The following PIP5K1B variants were observed in gnomAD, a reference collection of about 807,000 sequenced individuals.
PIP5K1B encodes phosphatidylinositol 4-phosphate 5-kinase type-1 beta.
PIP5K1B carries 42 observed loss-of-function variants against 67.0 expected under a neutral mutation model. The observed-to-expected ratio is 0.63, with a 90% CI of 0.49 to 0.81. PIP5K1B has a LOEUF of 0.81. Ranked by LOEUF, PIP5K1B falls within the 30% of genes least tolerant of loss-of-function variation. The pLI is 0.00. For synonymous variants in PIP5K1B, 214 were observed against 231.4 expected (o/e 0.92, Z 0.68); for missense variants, 459 against 646.3 (o/e 0.71, Z 3.14).
intron 14 of PIP5K1B, among the ~76,000 whole-genome samples, chr9:68,971,022 T>A (rs1829337562): frequency 6.6e-6 from 1 of 152,216 alleles, no homozygotes; most frequent in South Asian, 2.1e-4. Flanking sequence ...TTTATTATAC[T>A]TTAAGTTCTG....
intron 2 of PIP5K1B, among the ~76,000 whole-genome samples, chr9:68,791,267 A>G (rs1048987883): frequency 6.6e-6 from 1 of 152,218 alleles, no homozygotes; most frequent in Non-Finnish European, 1.5e-5. Context: ...TAATGTCGAG[A>G]TGCCAAGAGG....
chr9:68,992,637 C>A (rs949826944), intron 15 of PIP5K1B, among the ~76,000 whole-genome samples: 1 of 151,098 alleles, frequency 6.6e-6, no homozygotes, highest in Admixed American at 6.6e-5. Flanking sequence ...GTCAGGAGTT[C>A]GAGACCAGCC....
intron 14 of PIP5K1B, among the ~76,000 whole-genome samples, chr9:68,978,501 C>T (rs893760558): frequency 6.6e-6 from 1 of 152,160 alleles, no homozygotes; most frequent in South Asian, 2.1e-4. Context: ...ACCACATTTG[C>T]TTTAACCATT....
intron 3 of PIP5K1B, among the ~76,000 whole-genome samples, chr9:68,821,674 C>T (rs1833738358): frequency 6.6e-6 from 1 of 152,204 alleles, no homozygotes; most frequent in African/African-American, 2.4e-5. Flanking sequence ...GTAGTAAAAG[C>T]TTTAAATTTT....
At chr9:68,885,184 T>C (rs754079905) in intron 6 of PIP5K1B, among the ~76,000 whole-genome samples, 3 of 152,242 alleles carry the variant, frequency 2.0e-5, no homozygotes, top group East Asian at 3.8e-4. Flanking sequence ...GAGAACAATG[T>C]GCTAACTGAA....
chr9:68,942,009 G>C (rs968364332), intron 14 of PIP5K1B, among the ~76,000 whole-genome samples: 1 of 152,158 alleles, frequency 6.6e-6, no homozygotes, highest in Admixed American at 6.5e-5. Flanking sequence ...GCACTGTTCT[G>C]CTCTAAGGGC....
chr9:68,999,619 C>G lies in PIP5K1B; in HGVS notation c.1620+8362C>G, dbSNP rs1028311086. Among the ~76,000 whole-genome samples the G allele has an allele frequency of 2.0e-5, 3 of 152,158 alleles. No homozygotes were observed. In the South Asian group the frequency reaches 6.2e-4, roughly 32 times the overall value. ...AGCTGAGATCCCCTGAGCTTATTAA[C>G]AGGGTCCTTCAGCTCTGAGCATCCT... On this transcript the variant is annotated intron_variant, in intron 15 of 15. Coordinates refer to ENST00000265382, the MANE Select transcript of PIP5K1B (RefSeq NM_003558.4).
At chr9:68,942,461 A>G (rs1827608622) in intron 14 of PIP5K1B, among the ~76,000 whole-genome samples, 1 of 151,564 alleles carries the variant, frequency 6.6e-6, no homozygotes. Context: ...TTTTGGTAGC[A>G]GTGGTGGTGG....
At chr9:68,941,248 AC>A in intron 14 of PIP5K1B, 1 of 376,876 alleles carries the variant, frequency 2.7e-6, no homozygotes. Context: ...TGAATATGTT[AC>A]CTTATATGGC....
rs189364965 is a variant in PIP5K1B at position 68,909,473 on chromosome 9, A to C, written c.772-8075A>C. Among the ~76,000 whole-genome samples, 615 of 152,248 alleles carry C rather than the reference A, an allele frequency of 4.0e-3. 1 individual carries two copies. The highest frequency in any genetic ancestry group is 6.6e-3 in the Non-Finnish European group (447 of 68,010). On this transcript the variant is annotated intron_variant, in intron 8 of 15. Transcript: ENST00000265382. Reference sequence around the variant, plus strand: ...ATATTAATAATTCTTACTAATCATCAAATGTCAGTGTTCAAATTTCTAATT... The same window carrying C: ...ATATTAATAATTCTTACTAATCATCCAATGTCAGTGTTCAAATTTCTAATT...
intron 4 of PIP5K1B, among the ~76,000 whole-genome samples, chr9:68,833,200 TA>T (rs1341604513): frequency 4.6e-5 from 7 of 152,088 alleles, no homozygotes; most frequent in African/African-American, 1.7e-4. Flanking sequence ...ATGAAGAAAA[TA>T]AAGATAGGCA....
chr9:68,817,712 CTT>C (rs1156788129), intron 2 of PIP5K1B, among the ~76,000 whole-genome samples: 32 of 93,630 alleles, frequency 3.4e-4, no homozygotes, highest in Non-Finnish European at 4.2e-4. Context: ...AGACCTCATT[CTT>C]TTTTTTTTTT....
In PIP5K1B at chr9:68,894,410, T is replaced by C. The variant is rs1824973079; in HGVS notation, c.543T>C (p.Ile181=). The part of the protein sequence containing the change: ...YGLYCMQSGG[I]NIRIVVMNNV... ...TGTATTGTATGCAATCAGGAGGCAT[T>C]AATATCAGGATTGTGGTGATGAACA... is the stretch of plus-strand genomic sequence containing the variant. The change falls in exon 8 of 16, where the codon ATT becomes ATC. Residue 181 remains isoleucine (I), a synonymous_variant. Coordinates refer to ENST00000265382, the MANE Select transcript of PIP5K1B (RefSeq NM_003558.4). The C allele has an allele frequency of 1.2e-6, 2 of 1,613,774 alleles. No homozygotes were observed. The highest frequency in any genetic ancestry group is 1.7e-6 in the Non-Finnish European group (2 of 1,179,798).
chr9:68,919,346 G>A, intron 9 of PIP5K1B, 133 bp from the exon 10 acceptor site: 1 of 539,336 alleles, frequency 1.9e-6, no homozygotes, highest in Non-Finnish European at 3.3e-6. Context: ...AAAAAAAAAA[G>A]ATGAATGGGA....
chr9:68,987,990 A>G (rs1253246867), intron 14 of PIP5K1B, among the ~76,000 whole-genome samples: 8 of 152,246 alleles, frequency 5.3e-5, no homozygotes, highest in Non-Finnish European at 2.9e-5. Flanking sequence ...AGATCATGGT[A>G]TTATATCATT....
At chr9:68,769,327 A>C (rs960618696) in intron 2 of PIP5K1B, among the ~76,000 whole-genome samples, 1 of 152,208 alleles carries the variant, frequency 6.6e-6, no homozygotes. Context: ...ATTAAGTAGG[A>C]AAAATGGGAC....
intron 2 of PIP5K1B, chr9:68,789,323 G>A: frequency 2.5e-6 from 1 of 396,116 alleles, no homozygotes. Context: ...CCATTGCCAA[G>A]CGTCTCTTCT....
At chr9:68,855,939 C>A (rs1334498972) in intron 4 of PIP5K1B, among the ~76,000 whole-genome samples, 1 of 152,158 alleles carries the variant, frequency 6.6e-6, no homozygotes, top group Non-Finnish European at 1.5e-5. Context: ...TTACTACAAG[C>A]TCAGTGGCTT....
intron 8 of PIP5K1B, among the ~76,000 whole-genome samples, chr9:68,895,661 G>A (rs1462327287): frequency 6.6e-6 from 1 of 150,626 alleles, no homozygotes; most frequent in Non-Finnish European, 1.5e-5. Context: ...CTTTCTGCCT[G>A]TTATAGCTTG....
Sources: allele counts gnomAD v4.1 joint callset (sites outside exome capture counted in the v4.1 genomes callset), GRCh38; gene constraint gnomAD v4.1.1; transcripts MANE v1.5; gene names NCBI Gene and HGNC (gene_info 2026-07-23, HGNC 2026-07-21).